The following SPATA31H1 variants were observed in gnomAD, a reference collection of about 807,000 sequenced individuals.
SPATA31H1 encodes SPATA31 subfamily H member 1.
At chr2:27,537,574 T>C in the SPATA31H1 span, 1 of 717,146 alleles carries the variant, frequency 1.4e-6, no homozygotes, top group East Asian at 2.7e-5. Flanking sequence ...CTCAGAGGTA[T>C]GTGATGTAGC....
the SPATA31H1 span, chr2:27,580,175 T>C: frequency 6.2e-7 from 1 of 1,614,172 alleles, no homozygotes; most frequent in East Asian, 2.2e-5. Flanking sequence ...AAAGGAAAGC[T>C]AAAATCTATA....
At chr2:27,545,879 G>C in the SPATA31H1 span, among the ~76,000 whole-genome samples, 16 of 151,874 alleles carry the variant, frequency 1.1e-4, no homozygotes, top group African/African-American at 3.9e-4. Context: ...TTTCATTTTA[G>C]TCACTCTGGT....
the SPATA31H1 span, chr2:27,571,050 T>C: frequency 1.6e-4 from 63 of 398,346 alleles, no homozygotes; most frequent in East Asian, 2.2e-3. Context: ...ACTTAAAGGT[T>C]TCAGATCTGA....
the SPATA31H1 span, chr2:27,581,157 C>T: frequency 6.2e-4 from 1,000 of 1,614,212 alleles, 1 homozygote; most frequent in Middle Eastern, 2.0e-3. Flanking sequence ...CTGGCACCGA[C>T]ATCTTAAAGA....
the SPATA31H1 span, among the ~76,000 whole-genome samples, chr2:27,552,149 G>C: frequency 2.2e-4 from 34 of 151,960 alleles, no homozygotes; most frequent in Non-Finnish European, 1.8e-4. Flanking sequence ...TGGGCACATA[G>C]CTTAGCCAAG....
the SPATA31H1 span, among the ~76,000 whole-genome samples, chr2:27,555,298 A>T: frequency 6.6e-6 from 1 of 151,988 alleles, no homozygotes; most frequent in Non-Finnish European, 1.5e-5. Context: ...CCAATTAGGC[A>T]TACTATGAAT....
the SPATA31H1 span, among the ~76,000 whole-genome samples, chr2:27,555,621 C>T: frequency 6.6e-6 from 1 of 151,684 alleles, no homozygotes; most frequent in Non-Finnish European, 1.5e-5. Flanking sequence ...TTACAGTGAG[C>T]TATGATTGTG....
chr2:27,573,793 G>A, the SPATA31H1 span: 1 of 398,464 alleles, frequency 2.5e-6, no homozygotes, highest in Non-Finnish European at 4.4e-6. Flanking sequence ...CAGTTTTCAG[G>A]GGTGAAATCT....
At chr2:27,577,278 G>A in the SPATA31H1 span, 1 of 1,614,038 alleles carries the variant, frequency 6.2e-7, no homozygotes. The surrounding 1 kb of genome is among the most constrained non-coding windows in gnomAD (Gnocchi z 4.5). Context: ...AGAAACTATG[G>A]AATTGCTCTC....
the SPATA31H1 span, chr2:27,575,857 C>T: frequency 3.0e-5 from 12 of 398,508 alleles, no homozygotes; most frequent in Admixed American, 8.8e-5. The surrounding 1 kb of genome is among the most constrained non-coding windows in gnomAD (Gnocchi z 4.1). Context: ...AACCCAGGGC[C>T]GTATTTACAA....
At chr2:27,548,417 G>A in the SPATA31H1 span, among the ~76,000 whole-genome samples, 143 of 151,694 alleles carry the variant, frequency 9.4e-4, no homozygotes, top group African/African-American at 3.3e-3. Flanking sequence ...AGATCAGCCT[G>A]GGCAACATGG....
At chr2:27,559,971 A>G in the SPATA31H1 span, among the ~76,000 whole-genome samples, 2 of 151,614 alleles carry the variant, frequency 1.3e-5, no homozygotes, top group African/African-American at 4.9e-5. Flanking sequence ...GAGTTCAAGC[A>G]ATTCTCCTGC....
the SPATA31H1 span, chr2:27,566,829 T>C: frequency 2.5e-5 from 18 of 717,884 alleles, no homozygotes; most frequent in Non-Finnish European, 4.4e-5. Flanking sequence ...TGTTCTATGC[T>C]GTTGTGACTA....
At chr2:27,541,211 A>T in the SPATA31H1 span, among the ~76,000 whole-genome samples, 1 of 151,216 alleles carries the variant, frequency 6.6e-6, no homozygotes, top group East Asian at 2.0e-4. Context: ...ACACAGCAAA[A>T]CCCCGTCTCC....
chr2:27,569,061 C>T, the SPATA31H1 span: 1 of 398,964 alleles, frequency 2.5e-6, no homozygotes, highest in Non-Finnish European at 4.4e-6. Flanking sequence ...TAGCCCAGGG[C>T]CACTGAGCCA....
the SPATA31H1 span, chr2:27,570,879 G>T: frequency 2.5e-6 from 1 of 398,944 alleles, no homozygotes; most frequent in East Asian, 3.6e-5. Flanking sequence ...ACAAATGCCA[G>T]ATGCAGAATC....
chr2:27,537,694 A>T, the SPATA31H1 span: 8 of 633,218 alleles, frequency 1.3e-5, no homozygotes, highest in Non-Finnish European at 2.0e-5. Flanking sequence ...GTGCCCATGG[A>T]TAGTCTTCCT....
the SPATA31H1 span, among the ~76,000 whole-genome samples, chr2:27,541,350 G>A: frequency 1.3e-5 from 2 of 151,428 alleles, no homozygotes; most frequent in East Asian, 2.0e-4. Flanking sequence ...CAGCAGTACC[G>A]TCCAGCTTTG....
the SPATA31H1 span, chr2:27,568,016 A>G: frequency 2.5e-6 from 1 of 399,032 alleles, no homozygotes; most frequent in Non-Finnish European, 4.4e-6. Flanking sequence ...CAATGGAGGC[A>G]GCCCCAAGGT....
Sources: gnomAD v4.1 joint callset for allele counts (sites outside exome capture counted in the v4.1 genomes callset) on GRCh38, gnomAD v4.1.1 for gene constraint, Gnocchi (gnomAD v3.1) non-coding constraint, MANE v1.5 for transcripts, NCBI Gene and HGNC (gene_info 2026-07-23, HGNC 2026-07-21) for gene names.